Variants in PGAM5 observed in about 807,000 individuals in gnomAD.
PGAM5 encodes serine/threonine-protein phosphatase PGAM5, mitochondrial.
In PGAM5, 25 loss-of-function variants were observed where a neutral mutation model predicts 30.6. That is an observed-to-expected ratio of 0.82 (90% confidence interval 0.60 to 1.14). The LOEUF (loss-of-function observed/expected upper bound fraction) is 1.14, where lower values mean the gene tolerates loss of function less well. Ranked by LOEUF, PGAM5 falls within the 50% of genes most tolerant of loss-of-function variation. PGAM5 has a pLI of 0.00. For synonymous variants in PGAM5, 201 were observed against 179.1 expected, an observed-to-expected ratio of 1.12 and a Z score of -0.98; for missense variants, 384 against 408.5, an observed-to-expected ratio of 0.94 and a Z score of 0.52.
intron 5 of PGAM5, among the ~76,000 whole-genome samples, chr12:132,720,371 G>A (rs1325078942): frequency 3.3e-5 from 5 of 149,854 alleles, no homozygotes; most frequent in South Asian, 4.2e-4. Flanking sequence ...GCAGTGGCGC[G>A]ATCTCAGCTC....
chr12:132,711,258 T>A, intron 1 of PGAM5, 191 bp downstream of exon 1: 1 of 362,084 alleles, frequency 2.8e-6, no homozygotes, highest in Non-Finnish European at 4.5e-6. Flanking sequence ...GGCTGACCCT[T>A]CCCGCCGGCT....
intron 2 of PGAM5, 146 bp downstream of exon 2, chr12:132,715,182 CT>C: frequency 2.0e-5 from 15 of 733,200 alleles, no homozygotes; most frequent in Middle Eastern, 4.0e-4. Flanking sequence ...GGCACTGGGC[CT>C]CCTGGGGCCC....
At chr12:132,715,083 C>A in intron 2 of PGAM5, 47 bp downstream of exon 2, 3 of 1,470,168 alleles carry the variant, frequency 2.0e-6, no homozygotes, top group Non-Finnish European at 2.7e-6. Flanking sequence ...GGTTATGTGG[C>A]CAGGTGCATA....
intron 2 of PGAM5, among the ~76,000 whole-genome samples, chr12:132,715,949 A>G (rs1457911332): frequency 6.6e-6 from 1 of 152,166 alleles, no homozygotes; most frequent in African/African-American, 2.4e-5. Context: ...AATGCAGTGC[A>G]TATCCCAGCA....
At chr12:132,719,150 A>C in intron 5 of PGAM5, 1 of 1,267,738 alleles carries the variant, frequency 7.9e-7, no homozygotes, top group Admixed American at 3.9e-5. Flanking sequence ...ATCTCACTAA[A>C]TGCAAATTTG....
rs956572580 is a variant in PGAM5 at position 132,721,103 on chromosome 12, A to G, written c.*275A>G. 1.0e-5 allele frequency: 3 copies of G among 299,978 alleles called. No individual in the cohort carries two copies. Among genetic ancestry groups the G allele is most frequent in the Non-Finnish European group, 1.9e-5 (3 of 160,320 alleles). The allele number at this position is 299,978 out of a possible 1,614,324, so 18.6% of individuals were successfully genotyped here. ...GTTGTGGGGACTTGAAAGAGGCCTG[A>G]CCCAGACCACCATGTTCGCACCCAC... On this transcript the variant is annotated 3_prime_UTR_variant, in exon 6 of 6. Coordinates refer to ENST00000498926, the MANE Select transcript of PGAM5 (RefSeq NM_001170543.2).
chr12:132,717,687 C>A (rs1485663526), intron 3 of PGAM5, 23 bp from the exon 4 acceptor site: 2 of 1,564,058 alleles, frequency 1.3e-6, no homozygotes, highest in Admixed American at 3.8e-5. Flanking sequence ...CCTCACCCAG[C>A]GCTTCGCTGT....
intron 5 of PGAM5, chr12:132,719,165 A>T: frequency 8.1e-7 from 1 of 1,239,510 alleles, no homozygotes; most frequent in Non-Finnish European, 1.0e-6. Flanking sequence ...AATTTGAAAC[A>T]AATTTGCCTC....
At chr12:132,717,906 CG>C in intron 4 of PGAM5, 80 bp from the exon 5 acceptor site, 1 of 1,599,162 alleles carries the variant, frequency 6.3e-7, no homozygotes, top group South Asian at 1.1e-5. Context: ...CGGGCTTCCC[CG>C]GGCGGCGATG....
Position 132,720,580 on chromosome 12 carries a change from A to T in PGAM5, c.720-98A>T. On this transcript the variant is annotated intron_variant, in intron 5 of 5. Transcript: ENST00000498926. ...CCTGGCCTCCCAAAGTGCTGGGATTACAGGTGTGAGCCACCATGCCCGGCC... is the reference window on the plus strand; with the variant it reads ...CCTGGCCTCCCAAAGTGCTGGGATTTCAGGTGTGAGCCACCATGCCCGGCC... The T allele has an allele frequency of 1.6e-6, 2 of 1,289,806 alleles. 1 individual carries two copies. The highest frequency in any genetic ancestry group is 3.0e-5 in the South Asian group (2 of 67,710). 79.9% of individuals were successfully genotyped at this position (1,289,806 alleles called of 1,614,324 possible).
rs1444888503 is a variant in PGAM5 at position 132,722,682 on chromosome 12, G to A, written c.*1854G>A. 1 of 152,140 alleles carries A rather than the reference G, an allele frequency of 6.6e-6. No individual in the cohort carries two copies. Among genetic ancestry groups the A allele is most frequent in the African/African-American group, 2.4e-5 (1 of 41,412 alleles). 9.4% of individuals were successfully genotyped at this position (152,140 alleles called of 1,614,324 possible). ...GTTGGGATATCTGATCTATTTCTCT[G>A]TCTACTTTGGAAATGATTGCATAAT... On this transcript the variant is annotated 3_prime_UTR_variant, in exon 6 of 6. Coordinates refer to ENST00000498926, the MANE Select transcript of PGAM5 (RefSeq NM_001170543.2).
At chr12:132,714,172 C>G (rs1254126792) in intron 1 of PGAM5, among the ~76,000 whole-genome samples, 4 of 152,122 alleles carry the variant, frequency 2.6e-5, no homozygotes, top group African/African-American at 9.7e-5. Context: ...CGTGTGCCAC[C>G]AAGCCCGGCT....
At chr12:132,717,620 G>T in intron 3 of PGAM5, 56 bp downstream of exon 3, 1 of 1,597,934 alleles carries the variant, frequency 6.3e-7, no homozygotes, top group South Asian at 1.1e-5. Flanking sequence ...TCGTGGCAGG[G>T]CCCCGGCCTG....
In PGAM5 at chr12:132,717,539, C is replaced by T. The variant is rs562159553; in HGVS notation, c.471C>T (p.Thr157=). The change falls in exon 3 of 6, where the codon ACC becomes ACT. Residue 157 remains threonine (T), a synonymous_variant. Transcript: ENST00000498926. The stretch of plus-strand genomic sequence containing the variant: ...CTATGACGCGCGCCATAGAGACCAC[C>T]GATATCATCAGCCGGCACCTGCCAG... ...HSSMTRAIET[T]DIISRHLPGV... 9.9e-5 allele frequency: 160 copies of T among 1,610,810 alleles called. 1 individual carries two copies. In the South Asian group the frequency reaches 1.6e-3, roughly 17 times the overall value.
At chr12:132,718,819 A>T (rs750179416) in intron 5 of PGAM5, 75 of 1,613,080 alleles carry the variant, frequency 4.6e-5, no homozygotes, top group Non-Finnish European at 5.4e-5. Flanking sequence ...GACCTCTTTC[A>T]CTTGCTGATC....
At chr12:132,715,802 C>G (rs1022859485) in intron 2 of PGAM5, among the ~76,000 whole-genome samples, 3 of 151,918 alleles carry the variant, frequency 2.0e-5, no homozygotes, top group African/African-American at 7.3e-5. Flanking sequence ...TTGCTTGACC[C>G]TGGGAGGTGG....
At chr12:132,718,697 G>GGGGA in intron 5 of PGAM5, 1 of 1,559,676 alleles carries the variant, frequency 6.4e-7, no homozygotes, top group Admixed American at 1.7e-5. Flanking sequence ...CTTTGTAATT[G>GGGGA]AACGTCCTGT....
chr12:132,711,194 C>G (rs2136077272), intron 1 of PGAM5, 127 bp downstream of exon 1: 1 of 759,616 alleles, frequency 1.3e-6, no homozygotes, highest in South Asian at 6.6e-5. Context: ...CGTCTGCTTT[C>G]CCCAGCGGAG....
chr12:132,711,059 C>G lies in PGAM5; in HGVS notation c.183C>G (p.Asn61Lys). 8.3e-7 allele frequency: 1 copy of G among 1,211,706 alleles called. No individual in the cohort carries two copies. The highest frequency in any genetic ancestry group is 1.0e-6 in the Non-Finnish European group (1 of 974,710). The allele number at this position is 1,211,706 out of a possible 1,614,324, so 75.1% of individuals were successfully genotyped here. Residue 61 changes from asparagine (N) to lysine (K), a missense_variant, in exon 1 of 6, where the codon AAC (asparagine) becomes AAG (lysine). Physicochemically the swap from Asn to Lys is moderately conservative, Grantham distance 94. Coordinates refer to ENST00000498926, the MANE Select transcript of PGAM5 (RefSeq NM_001170543.2). ...CGGGCCCCGGTGTCTGGGACCCCAA[C>G]TGGGACAGGTGCGCGCGGGGCTGTT... is the stretch of plus-strand genomic sequence containing the variant. ...ARPGPGVWDP[N>K]WDRREPLSLI...
Sources: gnomAD v4.1 joint callset for allele counts (sites outside exome capture counted in the v4.1 genomes callset) on GRCh38, gnomAD v4.1.1 for gene constraint, MANE v1.5 for transcripts, NCBI Gene and HGNC (gene_info 2026-07-23, HGNC 2026-07-21) for gene names.